CHRDL1: variants seen among roughly 807,000 people sequenced by gnomAD.
CHRDL1 encodes the protein chordin-like protein 1.
In CHRDL1, 19 loss-of-function variants were observed where a neutral mutation model predicts 40.9. The ratio of observed to expected loss-of-function variants is 0.46; its 90% CI spans 0.32 to 0.68. The LOEUF is 0.68. Among genes scored for constraint, CHRDL1 ranks in the 30% least tolerant of loss-of-function variants. The pLI is 0.03. For missense variants in CHRDL1, 329 were observed against 352.1 expected (o/e 0.93, Z 0.53); for synonymous variants, 136 against 123.4 (o/e 1.10, Z -0.68).
intron 6 of CHRDL1, among the ~76,000 whole-genome samples, chrX:110,715,396 A>T (rs1038008346): frequency 9.0e-6 from 1 of 111,505 alleles, no homozygotes; most frequent in African/African-American, 3.3e-5. Flanking sequence ...ATTACTATAT[A>T]AAATATAGTA....
intron 9 of CHRDL1, among the ~76,000 whole-genome samples, chrX:110,682,453 CCT>C (rs754058926): frequency 8.9e-6 from 1 of 112,283 alleles, no homozygotes; most frequent in African/African-American, 3.2e-5. Context: ...TCCTCAGTCC[CCT>C]GTTTTAAAAA....
At chrX:110,690,339 C>T (rs762082338) in intron 8 of CHRDL1, among the ~76,000 whole-genome samples, 33 of 107,706 alleles carry the variant, frequency 3.1e-4, no homozygotes, top group Non-Finnish European at 2.5e-4. Context: ...CGAGCCACTG[C>T]GCCCAGCCAC....
intron 6 of CHRDL1, among the ~76,000 whole-genome samples, chrX:110,708,642 T>C (rs1057481290): frequency 9.0e-6 from 1 of 111,120 alleles, no homozygotes; most frequent in African/African-American, 3.3e-5. Context: ...TGAAGAAGAG[T>C]ACAAAATTAT....
Position 110,745,128 on chromosome X carries a change from A to G in CHRDL1, c.301+14533T>C, listed in dbSNP as rs1244777459. ...TATCTCCATAGTGCTCAGTTCTTCC[A>G]GGTTCTCTGCCCAAAGACTCTCCCT... On this transcript the variant is annotated intron_variant, in intron 4 of 11. Transcript: ENST00000372042. Among the ~76,000 whole-genome samples, 8 of 111,516 alleles carry G rather than the reference A, an allele frequency of 7.2e-5. No individual in the cohort carries two copies. In the Admixed American group the frequency reaches 7.6e-4, roughly 11 times the overall value.
At chrX:110,792,384 T>C (rs1317192175) in intron 1 of CHRDL1, among the ~76,000 whole-genome samples, 169 bp from the exon 2 acceptor site, 1 of 112,316 alleles carries the variant, frequency 8.9e-6, no homozygotes, top group East Asian at 2.8e-4. Context: ...CTCTCCTGTC[T>C]TGCAAGGCTT....
chrX:110,680,864 T>C (rs896176157), intron 10 of CHRDL1, among the ~76,000 whole-genome samples: 1 of 111,774 alleles, frequency 8.9e-6, no homozygotes, highest in Non-Finnish European at 1.9e-5. Flanking sequence ...AGAAAAGGAA[T>C]TGAACATTGT....
chrX:110,691,768 C>T (rs752042438), intron 8 of CHRDL1, among the ~76,000 whole-genome samples: 25 of 111,601 alleles, frequency 2.2e-4, no homozygotes, highest in Non-Finnish European at 3.6e-4. Flanking sequence ...TCTAACTGGT[C>T]AACCCACGTA....
At chrX:110,709,462 A>G (rs1165070454) in intron 6 of CHRDL1, among the ~76,000 whole-genome samples, 1 of 112,599 alleles carries the variant, frequency 8.9e-6, no homozygotes, top group East Asian at 2.8e-4. Flanking sequence ...TCATCTCTAA[A>G]TCATTGGAAG....
chrX:110,792,080 A>G lies in CHRDL1; in HGVS notation c.94+8T>C, dbSNP rs2090111248. On this transcript the variant is annotated splice_region_variant and intron_variant, in intron 2 of 11. Transcript: ENST00000372042. ...AAGTGTATTATTTTCCAAATGCAAG[A>G]CACTTACGTTTTACTTGCTCTGTTT... 1.9e-6 allele frequency: 2 copies of G among 1,076,411 alleles called. No individual in the cohort carries two copies. The highest frequency in any genetic ancestry group is 2.6e-6 in the Non-Finnish European group (2 of 781,326). The allele number at this position is 1,076,411 out of a possible 1,213,427, so 88.7% of individuals were successfully genotyped here.
chrX:110,786,597 C>T (rs922118813), intron 2 of CHRDL1, among the ~76,000 whole-genome samples: 2 of 111,978 alleles, frequency 1.8e-5, no homozygotes, highest in African/African-American at 3.2e-5. Context: ...CAATACCACA[C>T]GGCAAACAAG....
intron 9 of CHRDL1, among the ~76,000 whole-genome samples, chrX:110,687,685 C>T (rs1158762266): frequency 9.0e-6 from 1 of 111,623 alleles, no homozygotes; most frequent in African/African-American, 3.3e-5. Context: ...AAAATCTACT[C>T]TAACCCTCTC....
rs140277848 is a variant in CHRDL1, at chrX:110,694,929, G to A, written c.610-598C>T. Among the ~76,000 whole-genome samples, 382 of 112,041 alleles carry A rather than the reference G, an allele frequency of 3.4e-3. 1 individual carries two copies. Among genetic ancestry groups the A allele is most frequent in the African/African-American group, 0.012 (365 of 30,874 alleles). On this transcript the variant is annotated intron_variant, in intron 7 of 11. Coordinates refer to ENST00000372042, the MANE Select transcript of CHRDL1 (RefSeq NM_001143981.2). The stretch of plus-strand genomic sequence containing the variant: ...AGTTGCAGAATAACATTCCAAAAGT[G>A]GGTTGAAGCCAGATCATGGAAGACT...
chrX:110,714,844 G>A (rs2070813038), intron 6 of CHRDL1, among the ~76,000 whole-genome samples: 1 of 111,671 alleles, frequency 9.0e-6, no homozygotes, highest in South Asian at 3.8e-4. Context: ...GCCAGCATAG[G>A]GGAGAGGTTT....
chrX:110,787,214 G>A (rs186634028), intron 2 of CHRDL1, among the ~76,000 whole-genome samples: 19 of 111,372 alleles, frequency 1.7e-4, no homozygotes, highest in African/African-American at 5.2e-4. Context: ...ACACAATCTC[G>A]TTTCTTCTTC....
At chrX:110,693,896 A>G (rs751689699) in intron 8 of CHRDL1, among the ~76,000 whole-genome samples, 33 of 111,536 alleles carry the variant, frequency 3.0e-4, no homozygotes, top group African/African-American at 1.1e-3. Flanking sequence ...AATTTTCCCA[A>G]ATGACCTACA....
At chrX:110,721,297 A>G (rs2070946135) in intron 5 of CHRDL1, 88 bp downstream of exon 5, 1 of 880,508 alleles carries the variant, frequency 1.1e-6, no homozygotes. Context: ...AACACCTTAC[A>G]GTGCAGGCAC....
intron 4 of CHRDL1, among the ~76,000 whole-genome samples, chrX:110,729,565 G>T (rs1280305007): frequency 9.0e-6 from 1 of 111,508 alleles, no homozygotes; most frequent in African/African-American, 3.3e-5. Context: ...TTTAAAACAG[G>T]GTCCTTTTCT....
rs66986770 is a variant in CHRDL1, at chrX:110,767,598, CAATAAAATAAAATAA to C, written c.95-4806_95-4792del. 3.5e-3 allele frequency among the ~76,000 whole-genome samples: 287 copies of C among 83,090 alleles called. 1 individual carries two copies. Among genetic ancestry groups the C allele is most frequent in the South Asian group, 5.6e-3 (8 of 1,433 alleles). The allele number at this position is 83,090 out of a possible 115,157, so 72.2% of individuals were successfully genotyped here. On this transcript the variant is annotated intron_variant, in intron 2 of 11. Coordinates refer to ENST00000372042, the MANE Select transcript of CHRDL1 (RefSeq NM_001143981.2). ...AACTCAACCCCTTTTACAAAGGATGCAATAAAATAAAATAAAATAAAATAAAATAAAATAAAATAA... is the reference window on the plus strand; with the variant it reads ...AACTCAACCCCTTTTACAAAGGATGCAATAAAATAAAATAAAATAAAATAA...
intron 2 of CHRDL1, among the ~76,000 whole-genome samples, chrX:110,788,601 GT>G (rs2090051408): frequency 8.9e-6 from 1 of 112,070 alleles, no homozygotes. Context: ...AGTTTTTCCA[GT>G]TGCTTTCCTT....
Sources: allele counts gnomAD v4.1 joint callset (sites outside exome capture counted in the v4.1 genomes callset), GRCh38; gene constraint gnomAD v4.1.1; transcripts MANE v1.5; gene names NCBI Gene and HGNC (gene_info 2026-07-23, HGNC 2026-07-21).